The following RPS6KC1 variants were observed in gnomAD, a reference collection of about 807,000 sequenced individuals.
RPS6KC1 encodes inactive ribosomal protein S6 kinase delta-1.
A neutral mutation model predicts 103.8 loss-of-function variants in RPS6KC1; 54 were observed. The ratio of observed to expected loss-of-function variants is 0.52; its 90% CI spans 0.42 to 0.65. The LOEUF (loss-of-function observed/expected upper bound fraction) is 0.65. RPS6KC1 is among the 30% of genes least tolerant of loss of function. RPS6KC1 has a pLI of 0.00. For synonymous variants in RPS6KC1, 439 were observed against 438.7 expected, an observed-to-expected ratio of 1.00 and a Z score of -0.01; for missense variants, 1,151 against 1,253.8, an observed-to-expected ratio of 0.92 and a Z score of 1.24.
chr1:213,306,235 A>G, the RPS6KC1 span, among the ~76,000 whole-genome samples: 1 of 152,228 alleles, frequency 6.6e-6, no homozygotes, highest in Non-Finnish European at 1.5e-5. Context: ...AACTAGGTGC[A>G]TGGCCTCACT....
the RPS6KC1 span, among the ~76,000 whole-genome samples, chr1:213,759,020 A>G: frequency 6.6e-6 from 1 of 152,268 alleles, no homozygotes; most frequent in Admixed American, 6.5e-5. Flanking sequence ...ATCAAACAGC[A>G]TCACATGCTA....
chr1:213,233,443 C>T (rs572623351), intron 10 of RPS6KC1, among the ~76,000 whole-genome samples: 4 of 152,110 alleles, frequency 2.6e-5, no homozygotes, highest in South Asian at 2.1e-4. Flanking sequence ...AAATAACTTG[C>T]GTAGTAATAA....
the RPS6KC1 span, among the ~76,000 whole-genome samples, chr1:213,505,206 G>A: frequency 2.6e-5 from 4 of 152,148 alleles, no homozygotes; most frequent in Non-Finnish European, 5.9e-5. Flanking sequence ...ACTGATTCCA[G>A]CTATAGTCAG....
At chr1:213,618,643 G>A in the RPS6KC1 span, among the ~76,000 whole-genome samples, 1 of 152,190 alleles carries the variant, frequency 6.6e-6, no homozygotes, top group African/African-American at 2.4e-5. Context: ...CCTTCTGAAT[G>A]ATATTTCATT....
the RPS6KC1 span, among the ~76,000 whole-genome samples, chr1:213,639,317 G>A: frequency 6.6e-6 from 1 of 152,016 alleles, no homozygotes; most frequent in African/African-American, 2.4e-5. Flanking sequence ...CTTTAAAATC[G>A]ATCTGCCTTT....
At chr1:213,426,188 A>C in the RPS6KC1 span, among the ~76,000 whole-genome samples, 1 of 152,126 alleles carries the variant, frequency 6.6e-6, no homozygotes, top group Non-Finnish European at 1.5e-5. Context: ...GACCTCTCCA[A>C]CTGGCTGTGG....
the RPS6KC1 span, among the ~76,000 whole-genome samples, chr1:213,378,135 T>C: frequency 6.6e-6 from 1 of 152,342 alleles, no homozygotes; most frequent in Non-Finnish European, 1.5e-5. Context: ...TGTTGTAAGC[T>C]GATAATTGCA....
chr1:213,152,027 C>A, intron 6 of RPS6KC1, among the ~76,000 whole-genome samples: 1 of 131,828 alleles, frequency 7.6e-6, no homozygotes, highest in Non-Finnish European at 1.6e-5. Flanking sequence ...CCTCACCTCC[C>A]GGACGGGGCA....
chr1:213,803,750 G>GA, the RPS6KC1 span, among the ~76,000 whole-genome samples: 2 of 152,026 alleles, frequency 1.3e-5, no homozygotes, highest in African/African-American at 2.4e-5. Context: ...AGGTATCAGG[G>GA]AAAAAATGAC....
chr1:213,182,570 T>C (rs985556689), intron 8 of RPS6KC1, among the ~76,000 whole-genome samples: 2 of 150,910 alleles, frequency 1.3e-5, no homozygotes, highest in Non-Finnish European at 3.0e-5. Flanking sequence ...TTCAGGAAAA[T>C]GGAAACAGAG....
chr1:213,754,464 G>A, the RPS6KC1 span, among the ~76,000 whole-genome samples: 2 of 152,166 alleles, frequency 1.3e-5, no homozygotes, highest in Non-Finnish European at 2.9e-5. Context: ...GGAGGTGACT[G>A]AATCATGGGG....
chr1:213,542,101 T>C, the RPS6KC1 span, among the ~76,000 whole-genome samples: 3 of 144,170 alleles, frequency 2.1e-5, no homozygotes, highest in Non-Finnish European at 4.4e-5. Context: ...GGAGGAATAA[T>C]TGATCCACTT....
the RPS6KC1 span, among the ~76,000 whole-genome samples, chr1:213,774,654 A>T: frequency 3.3e-5 from 5 of 152,342 alleles, no homozygotes; most frequent in African/African-American, 1.2e-4. Flanking sequence ...TGTGCAGTTA[A>T]CTGTGGAATA....
chr1:213,254,927 G>C (rs1224167496), intron 12 of RPS6KC1, among the ~76,000 whole-genome samples: 1 of 151,956 alleles, frequency 6.6e-6, no homozygotes, highest in Non-Finnish European at 1.5e-5. Flanking sequence ...GGCATGCCCA[G>C]AAACTTAACA....
chr1:213,158,727 G>C (rs970289447), intron 6 of RPS6KC1, among the ~76,000 whole-genome samples: 26 of 152,158 alleles, frequency 1.7e-4, no homozygotes, highest in African/African-American at 5.8e-4. Flanking sequence ...CCTGAGAGTT[G>C]TTTATTACCA....
chr1:213,611,147 G>A, the RPS6KC1 span, among the ~76,000 whole-genome samples: 3 of 152,068 alleles, frequency 2.0e-5, no homozygotes, highest in Admixed American at 1.3e-4. Context: ...GGGGCCAGAG[G>A]GAATACTTCT....
the RPS6KC1 span, among the ~76,000 whole-genome samples, chr1:213,434,065 T>G: frequency 1.3e-5 from 2 of 151,280 alleles, no homozygotes; most frequent in African/African-American, 4.8e-5. Flanking sequence ...TTTTTTTTAC[T>G]GTGTATTAGT....
the RPS6KC1 span, among the ~76,000 whole-genome samples, chr1:213,791,752 A>C: frequency 6.6e-6 from 1 of 152,196 alleles, no homozygotes; most frequent in African/African-American, 2.4e-5. Flanking sequence ...GTTTGATGGC[A>C]GACGTATAAC....
chr1:213,121,841 T>C (rs2084422208), intron 5 of RPS6KC1, among the ~76,000 whole-genome samples: 1 of 152,068 alleles, frequency 6.6e-6, no homozygotes, highest in South Asian at 2.1e-4. Context: ...CAAAGAAAAA[T>C]TGAATGATCA....
Sources: allele counts gnomAD v4.1 joint callset (sites outside exome capture counted in the v4.1 genomes callset), GRCh38; gene constraint gnomAD v4.1.1; transcripts MANE v1.5; gene names NCBI Gene and HGNC (gene_info 2026-07-23, HGNC 2026-07-21).